CD96: variants seen among roughly 807,000 people sequenced by gnomAD.
CD96 encodes T-cell surface protein tactile.
A neutral mutation model predicts 71.3 loss-of-function variants in CD96; 70 were observed. That is an observed-to-expected ratio of 0.98 (90% CI 0.81 to 1.20). The LOEUF (loss-of-function observed/expected upper bound fraction) is 1.20, where lower values mean the gene tolerates loss of function less well. CD96 is among the 50% of genes most tolerant of loss of function. The probability of loss-of-function intolerance (pLI) is 0.00; values close to 1 mark genes in which losing one functional copy is unlikely to be tolerated. For synonymous variants in CD96, 248 were observed against 233.0 expected, an observed-to-expected ratio of 1.06 and a Z score of -0.59; for missense variants, 742 against 677.5, an observed-to-expected ratio of 1.10 and a Z score of -1.06.
At chr3:111,564,115 C>T (rs1425660270) in intron 2 of CD96, among the ~76,000 whole-genome samples, 2 of 152,070 alleles carry the variant, frequency 1.3e-5, no homozygotes, top group African/African-American at 4.8e-5. Flanking sequence ...TAAAGTTGTC[C>T]ATTCTGGGTC....
intron 10 of CD96, among the ~76,000 whole-genome samples, chr3:111,636,135 G>A (rs114321485): frequency 6.6e-6 from 1 of 152,264 alleles, no homozygotes; most frequent in Non-Finnish European, 1.5e-5. Context: ...AAAAAGCTGT[G>A]TATGAAACCA....
intron 3 of CD96, among the ~76,000 whole-genome samples, chr3:111,568,124 T>C (rs911703805): frequency 1.4e-4 from 22 of 152,272 alleles, no homozygotes; most frequent in Non-Finnish European, 2.8e-4. Context: ...GCAGCAAATG[T>C]ATATGAGACG....
intron 8 of CD96, among the ~76,000 whole-genome samples, chr3:111,623,265 A>G (rs2107710309): frequency 6.6e-6 from 1 of 152,158 alleles, no homozygotes; most frequent in Middle Eastern, 3.4e-3. Flanking sequence ...AGTGAGGGGG[A>G]AGGAAGAGAA....
chr3:111,596,222 A>C (rs902569978), intron 5 of CD96, among the ~76,000 whole-genome samples: 2 of 151,998 alleles, frequency 1.3e-5, no homozygotes, highest in African/African-American at 2.4e-5. Flanking sequence ...AGAAAAAGAA[A>C]TGGCATAGCA....
chr3:111,642,606 C>T (rs1020801779), intron 12 of CD96, among the ~76,000 whole-genome samples: 11 of 151,896 alleles, frequency 7.2e-5, no homozygotes, highest in South Asian at 2.1e-4. Context: ...CAAGAGTTCA[C>T]GACCCGCCTG....
chr3:111,586,444 T>G (rs1360317562), intron 5 of CD96, among the ~76,000 whole-genome samples: 2 of 152,240 alleles, frequency 1.3e-5, no homozygotes. Flanking sequence ...AAAAATATCT[T>G]CCAAGTAGTT....
At chr3:111,561,527 CA>C (rs1308745117) in intron 2 of CD96, among the ~76,000 whole-genome samples, 1 of 148,086 alleles carries the variant, frequency 6.8e-6, no homozygotes, top group African/African-American at 2.4e-5. Context: ...GCTCGGGGGT[CA>C]GGGGTCAGGG....
Position 111,649,828 on chromosome 3 carries a change from G to A in CD96, c.*22G>A, listed in dbSNP as rs1235750177. 7.2e-7 allele frequency: 1 copy of A among 1,395,126 alleles called. No homozygotes were observed. Among genetic ancestry groups the A allele is most frequent in the East Asian group, 2.3e-5 (1 of 43,862 alleles). 86.4% of individuals were successfully genotyped at this position (1,395,126 alleles called of 1,614,324 possible). ...CTAGTCTCGTGAGACTTTGCCCCATGGCAGAACTCTGCTGGAATCCTATTG... is the reference window on the plus strand; with the variant it reads ...CTAGTCTCGTGAGACTTTGCCCCATAGCAGAACTCTGCTGGAATCCTATTG... On this transcript the variant is annotated 3_prime_UTR_variant, in exon 14 of 14. Coordinates refer to ENST00000352690, the MANE Select transcript of CD96 (RefSeq NM_005816.5).
intron 5 of CD96, among the ~76,000 whole-genome samples, chr3:111,587,981 G>T (rs1312298735): frequency 6.6e-6 from 1 of 152,212 alleles, no homozygotes; most frequent in Non-Finnish European, 1.5e-5. Context: ...TGCTGCAAAA[G>T]TCTCCAACAT....
chr3:111,570,661 C>T, intron 3 of CD96: 2 of 1,610,068 alleles, frequency 1.2e-6, no homozygotes, highest in Non-Finnish European at 1.7e-6. Context: ...CGGGACATGA[C>T]AAAGCATTTG....
At chr3:111,623,929 A>G in intron 9 of CD96, 107 bp downstream of exon 9, 1 of 791,028 alleles carries the variant, frequency 1.3e-6, no homozygotes, top group Non-Finnish European at 2.3e-6. Flanking sequence ...TGTATTTTTC[A>G]TTTGATGTTT....
intron 3 of CD96, among the ~76,000 whole-genome samples, chr3:111,578,638 T>A (rs1936328937): frequency 6.6e-6 from 1 of 152,152 alleles, no homozygotes; most frequent in Non-Finnish European, 1.5e-5. Flanking sequence ...AAATGAAGAT[T>A]TTATGAAATC....
chr3:111,653,766 A>G (rs1483391571), downstream of CD96, among the ~76,000 whole-genome samples: 1 of 148,738 alleles, frequency 6.7e-6, no homozygotes, highest in African/African-American at 2.5e-5. Flanking sequence ...TTAGGTCAAT[A>G]TTTTTTTTTT....
intron 12 of CD96, among the ~76,000 whole-genome samples, chr3:111,643,976 G>A (rs1193326356): frequency 2.6e-5 from 4 of 152,010 alleles, no homozygotes; most frequent in African/African-American, 9.7e-5. Context: ...TGCAGAATTA[G>A]AAAAAACAAT....
At chr3:111,590,275 A>G (rs1379363464) in intron 5 of CD96, among the ~76,000 whole-genome samples, 1 of 152,240 alleles carries the variant, frequency 6.6e-6, no homozygotes, top group Non-Finnish European at 1.5e-5. Flanking sequence ...TTAAGGATCA[A>G]GTAAGAGAAT....
downstream of CD96, among the ~76,000 whole-genome samples, chr3:111,652,705 T>C (rs1294558225): frequency 1.3e-5 from 2 of 152,180 alleles, no homozygotes; most frequent in African/African-American, 2.4e-5. Flanking sequence ...CAGTGAGTAG[T>C]TCAGAGGAAC....
chr3:111,629,919 G>A (rs892457089), intron 10 of CD96, among the ~76,000 whole-genome samples: 1 of 152,122 alleles, frequency 6.6e-6, no homozygotes, highest in African/African-American at 2.4e-5. Context: ...ATGACTTTCA[G>A]GTTAATAATG....
chr3:111,630,419 A>G (rs1336358404), intron 10 of CD96, among the ~76,000 whole-genome samples: 1 of 152,198 alleles, frequency 6.6e-6, no homozygotes, highest in Non-Finnish European at 1.5e-5. Context: ...AGAAATAGAT[A>G]AGTTCCTGGG....
chr3:111,646,490 C>T (rs889203527), intron 12 of CD96, among the ~76,000 whole-genome samples: 1 of 151,084 alleles, frequency 6.6e-6, no homozygotes, highest in Non-Finnish European at 1.5e-5. Context: ...CAAATTAAAA[C>T]CACGATAAGA....
Sources: gnomAD v4.1 joint callset for allele counts (sites outside exome capture counted in the v4.1 genomes callset) on GRCh38, gnomAD v4.1.1 for gene constraint, MANE v1.5 for transcripts, NCBI Gene and HGNC (gene_info 2026-07-23, HGNC 2026-07-21) for gene names.